The following QKI variants were observed in gnomAD, a reference collection of about 807,000 sequenced individuals.
The protein encoded by QKI is QKI, KH domain containing RNA binding, also known as KH domain-containing RNA-binding protein QKI.
Under a neutral mutation model 39.0 loss-of-function variants are expected in QKI, and 10 were observed. The ratio of observed to expected loss-of-function variants is 0.26; its 90% CI spans 0.16 to 0.43. The LOEUF is 0.43. Ranked by LOEUF, QKI falls within the 20% of genes least tolerant of loss-of-function variation. The pLI is 1.00. For synonymous variants in QKI, 204 were observed against 155.4 expected (o/e 1.31, Z -2.33); for missense variants, 218 against 428.0 (o/e 0.51, Z 4.33).
intron 3 of QKI, among the ~76,000 whole-genome samples, chr6:163,522,799 G>A (rs1780243077): frequency 6.6e-6 from 1 of 152,130 alleles, no homozygotes; most frequent in Non-Finnish European, 1.5e-5. Flanking sequence ...ATTCTACACA[G>A]TTGTGTTTTT....
At chr6:163,463,719 A>G (rs1324874836) in intron 2 of QKI, among the ~76,000 whole-genome samples, 3 of 152,312 alleles carry the variant, frequency 2.0e-5, no homozygotes, top group Middle Eastern at 6.8e-3. Flanking sequence ...TATTTAACCA[A>G]TTAATAAAAA....
intron 1 of QKI, 121 bp downstream of exon 1, chr6:163,415,456 T>G: frequency 2.1e-6 from 2 of 960,354 alleles, no homozygotes; most frequent in Non-Finnish European, 2.8e-6. Context: ...CCGGGGGGAC[T>G]GGGAGGCCAG....
At chr6:163,434,930 A>G (rs977928896) in intron 1 of QKI, among the ~76,000 whole-genome samples, 8 of 152,138 alleles carry the variant, frequency 5.3e-5, no homozygotes, top group African/African-American at 1.9e-4. Context: ...AATATATTTG[A>G]TTATTTGTAC....
intron 2 of QKI, among the ~76,000 whole-genome samples, chr6:163,467,710 G>A (rs1304515737): frequency 6.6e-6 from 1 of 152,052 alleles, no homozygotes; most frequent in Non-Finnish European, 1.5e-5. Context: ...TAATTTATAA[G>A]AATTAATATG....
chr6:163,553,059 A>G (rs1214495439), intron 4 of QKI, among the ~76,000 whole-genome samples: 2 of 133,250 alleles, frequency 1.5e-5, no homozygotes, highest in South Asian at 4.8e-4. Flanking sequence ...TTTTTTTTTT[A>G]ATTTTTATTT....
At chr6:163,503,384 C>T (rs1020873478) in intron 3 of QKI, among the ~76,000 whole-genome samples, 8 of 151,974 alleles carry the variant, frequency 5.3e-5, no homozygotes, top group African/African-American at 1.9e-4. Context: ...GGGGTCTTTT[C>T]CCCATTGCTT....
At chr6:163,449,112 T>A (rs1164722131) in intron 1 of QKI, among the ~76,000 whole-genome samples, 1 of 152,192 alleles carries the variant, frequency 6.6e-6, no homozygotes. Flanking sequence ...CTTACTTTGC[T>A]GTTTGTGTTA....
In QKI at chr6:163,574,048, G is replaced by A. The variant is rs1039758448; in HGVS notation, c.*3338G>A. ...GTGTGGGTGTAGGTGCAGTAGAGAT[G>A]GGAACAAAGTAGCCTTTGTTTGAGG... On this transcript the variant is annotated 3_prime_UTR_variant, in exon 8 of 8. Transcript: ENST00000361752. 3.3e-5 allele frequency: 5 copies of A among 152,114 alleles called. No homozygotes were observed. Among genetic ancestry groups the A allele is most frequent in the African/African-American group, 1.2e-4 (5 of 41,404 alleles). 9.4% of individuals were successfully genotyped at this position (152,114 alleles called of 1,614,324 possible).
chr6:163,525,295 T>TCTCTCTCCC (rs1304351371), intron 3 of QKI, among the ~76,000 whole-genome samples: 1 of 147,220 alleles, frequency 6.8e-6, no homozygotes, highest in Non-Finnish European at 1.5e-5. Context: ...GTTCTCTCTC[T>TCTCTCTCCC]CTCTCTCCCC....
chr6:163,570,030 G>T (rs1783611126), intron 7 of QKI: 1 of 986,400 alleles, frequency 1.0e-6, no homozygotes, highest in Non-Finnish European at 1.2e-6. Context: ...CCATGATGTT[G>T]CCTACACTGC....
intron 3 of QKI, among the ~76,000 whole-genome samples, chr6:163,498,195 A>AAAAAAT (rs1463006519): frequency 6.6e-6 from 1 of 151,298 alleles, no homozygotes; most frequent in Non-Finnish European, 1.5e-5. Flanking sequence ...TGGTAAAAAA[A>AAAAAAT]AAAAAAAAAA....
At chr6:163,417,221 TTTAGTAGTA>T (rs1787596109) in intron 1 of QKI, among the ~76,000 whole-genome samples, 1 of 152,088 alleles carries the variant, frequency 6.6e-6, no homozygotes, top group Non-Finnish European at 1.5e-5. Flanking sequence ...AAGTTAAAGT[TTTAGTAGTA>T]TTAGTAACAA....
At chr6:163,539,719 T>C (rs1008862582) in intron 4 of QKI, among the ~76,000 whole-genome samples, 2 of 152,226 alleles carry the variant, frequency 1.3e-5, no homozygotes, top group Non-Finnish European at 2.9e-5. Flanking sequence ...AAAGGGTAAG[T>C]GCATTTTAAA....
intron 1 of QKI, among the ~76,000 whole-genome samples, chr6:163,427,900 C>G (rs1191841044): frequency 2.0e-5 from 3 of 152,116 alleles, no homozygotes; most frequent in Admixed American, 2.0e-4. Context: ...GGGGAAACCT[C>G]ATAGGTAGAA....
At chr6:163,431,058 G>T (rs1788787053) in intron 1 of QKI, among the ~76,000 whole-genome samples, 1 of 152,112 alleles carries the variant, frequency 6.6e-6, no homozygotes, top group Admixed American at 6.6e-5. Context: ...TATGTTAAGG[G>T]AAATTTTAGG....
At chr6:163,569,384 A>G in intron 7 of QKI, 1 of 1,249,022 alleles carries the variant, frequency 8.0e-7, no homozygotes, top group Non-Finnish European at 1.0e-6. Flanking sequence ...ATGAAGTGGC[A>G]CAGAATCTAA....
chr6:163,492,457 A>G (rs1244532502), intron 3 of QKI, among the ~76,000 whole-genome samples: 1 of 152,182 alleles, frequency 6.6e-6, no homozygotes, highest in Non-Finnish European at 1.5e-5. Flanking sequence ...AACAATTGTG[A>G]ATCTCAGATT....
intron 4 of QKI, among the ~76,000 whole-genome samples, chr6:163,547,019 A>G (rs954223912): frequency 1.3e-5 from 2 of 151,898 alleles, no homozygotes; most frequent in Admixed American, 6.6e-5. Context: ...TCAAACTGAC[A>G]TGGCCTCAGC....
At position 163,570,950 on chromosome 6, in the gene QKI, T is replaced by C. The variant is rs1783671756; in HGVS notation, c.*240T>C. 1 of 474,768 alleles carries C rather than the reference T, an allele frequency of 2.1e-6. No individual in the cohort carries two copies. The highest frequency in any genetic ancestry group is 3.7e-6 in the Non-Finnish European group (1 of 272,450). The allele number at this position is 474,768 out of a possible 1,614,324, so 29.4% of individuals were successfully genotyped here. ...AAGTGGTTCTAGAAACTGCACTGAA[T>C]AGTAGTAAAGCAATAAGGCCCAATT... is the stretch of plus-strand genomic sequence containing the variant. On this transcript the variant is annotated 3_prime_UTR_variant, in exon 8 of 8. Transcript: ENST00000361752.
Sources: allele counts gnomAD v4.1 joint callset (sites outside exome capture counted in the v4.1 genomes callset), GRCh38; gene constraint gnomAD v4.1.1; transcripts MANE v1.5; gene names NCBI Gene and HGNC (gene_info 2026-07-23, HGNC 2026-07-21).